The following SDK2 variants were observed in gnomAD, a reference collection of about 807,000 sequenced individuals.
SDK2 encodes sidekick cell adhesion molecule 2, also known as protein sidekick-2.
SDK2 carries 105 observed loss-of-function variants against 253.9 expected under a neutral mutation model. The ratio of observed to expected loss-of-function variants is 0.41; its 90% CI spans 0.35 to 0.49. SDK2 has a LOEUF of 0.49. Among genes scored for constraint, SDK2 ranks in the 20% least tolerant of loss-of-function variants. SDK2 has a pLI of 0.06. For synonymous variants in SDK2, 1,249 were observed against 1,234.9 expected (o/e 1.01, Z -0.24); for missense variants, 2,608 against 3,003.0 (o/e 0.87, Z 3.07).
At chr17:73,382,114 G>A (rs925287183) in intron 33 of SDK2, among the ~76,000 whole-genome samples, 1 of 151,798 alleles carries the variant, frequency 6.6e-6, no homozygotes, top group Non-Finnish European at 1.5e-5. Context: ...TACTCAGGAG[G>A]CCTCAGGCAG....
intron 43 of SDK2, 25 bp downstream of exon 43, chr17:73,350,212 C>CA (rs750105039): frequency 6.5e-7 from 1 of 1,533,824 alleles, no homozygotes; most frequent in Admixed American, 2.1e-5. Context: ...GGCCTGGCCC[C>CA]CAACCCACGC....
chr17:73,393,961 G>C (rs537362456), intron 26 of SDK2, among the ~76,000 whole-genome samples: 1 of 152,328 alleles, frequency 6.6e-6, no homozygotes, highest in Admixed American at 6.5e-5. Context: ...AGTGAGGCTG[G>C]GGGCATCCAG....
intron 40 of SDK2, among the ~76,000 whole-genome samples, chr17:73,353,164 C>T (rs911336773): frequency 9.2e-5 from 14 of 151,982 alleles, no homozygotes; most frequent in Admixed American, 3.3e-4. Context: ...TTAAAAGATA[C>T]GTACTGTGCA....
chr17:73,448,861 A>G (rs759231184), intron 4 of SDK2, among the ~76,000 whole-genome samples: 3 of 150,626 alleles, frequency 2.0e-5, no homozygotes, highest in Non-Finnish European at 4.4e-5. Flanking sequence ...GGGTTTTGCT[A>G]TGTTGGCCAG....
chr17:73,413,923 G>A (rs906063062), intron 18 of SDK2, among the ~76,000 whole-genome samples: 2 of 152,178 alleles, frequency 1.3e-5, no homozygotes, highest in Non-Finnish European at 2.9e-5. Context: ...ACGTGGAGTC[G>A]AGTACAGCCT....
At chr17:73,524,030 C>T (rs2064105331) in intron 1 of SDK2, among the ~76,000 whole-genome samples, 2 of 152,152 alleles carry the variant, frequency 1.3e-5, no homozygotes, top group South Asian at 4.1e-4. Context: ...TTCTCATTTC[C>T]AGGCTCTGTG....
intron 38 of SDK2, among the ~76,000 whole-genome samples, chr17:73,363,990 C>T (rs1454125019): frequency 6.6e-6 from 1 of 152,026 alleles, no homozygotes; most frequent in Non-Finnish European, 1.5e-5. Flanking sequence ...TCCCTAGGCT[C>T]ACCGAGAACT....
intron 34 of SDK2, among the ~76,000 whole-genome samples, chr17:73,380,521 C>T (rs953613742): frequency 2.0e-5 from 3 of 152,138 alleles, no homozygotes; most frequent in Non-Finnish European, 2.9e-5. Context: ...CCAGCTGGGC[C>T]GAGAAGTGCC....
At chr17:73,391,139 T>C (rs559898649) in intron 28 of SDK2, among the ~76,000 whole-genome samples, 3 of 152,332 alleles carry the variant, frequency 2.0e-5, no homozygotes, top group South Asian at 2.1e-4. Context: ...CACTTGGCCA[T>C]GCTAAGGAAC....
intron 2 of SDK2, among the ~76,000 whole-genome samples, 159 bp from the exon 3 acceptor site, chr17:73,472,377 A>C (rs1192762718): frequency 6.6e-6 from 1 of 152,312 alleles, no homozygotes; most frequent in East Asian, 1.9e-4. Context: ...GATCACACAA[A>C]GGTCTTTATC....
intron 39 of SDK2, among the ~76,000 whole-genome samples, chr17:73,358,640 C>T (rs2062613664): frequency 6.6e-6 from 1 of 152,012 alleles, no homozygotes; most frequent in Non-Finnish European, 1.5e-5. Context: ...GCGATGATGG[C>T]AGAGTGGGCC....
Position 73,379,313 on chromosome 17 carries a change from G to A in SDK2, c.4865-21C>T. 1 of 1,531,606 alleles carries A rather than the reference G, an allele frequency of 6.5e-7. No homozygotes were observed. Among genetic ancestry groups the A allele is most frequent in the Non-Finnish European group, 8.9e-7 (1 of 1,128,402 alleles). The allele number at this position is 1,531,606 out of a possible 1,614,324, so 94.9% of individuals were successfully genotyped here. A position where few individuals can be genotyped will look rare whatever the true frequency, so the allele number is the denominator to read the frequency against. ...GGGCACTGGAGGGCGTGCAGGGTAG[G>A]CAGTGAGCATGCGAGTAAACCTGGG... On this transcript the variant is annotated intron_variant, in intron 35 of 44. Coordinates refer to ENST00000392650, the MANE Select transcript of SDK2 (RefSeq NM_001144952.2). This position sits in a 1 kb window ranked among gnomAD's most constrained non-coding sequence, Gnocchi z 4.5.
intron 36 of SDK2, among the ~76,000 whole-genome samples, chr17:73,377,012 T>A (rs1476941064): frequency 6.6e-6 from 1 of 151,974 alleles, no homozygotes; most frequent in African/African-American, 2.4e-5. Flanking sequence ...ATGAGGTGCC[T>A]TGTGTCTCTC....
rs1434534370 is a variant in SDK2 at position 73,639,357 on chromosome 17, G to T, written c.64+4668C>A. ...AGTCCCCTCTCTCCCTTCCCCCGGGGATGCTGAGCATCCCTGCTCAACGCT... is the reference window on the plus strand; with the variant it reads ...AGTCCCCTCTCTCCCTTCCCCCGGGTATGCTGAGCATCCCTGCTCAACGCT... On this transcript the variant is annotated intron_variant, in intron 1 of 44. Transcript: ENST00000392650. The surrounding 1 kb of genome is among the most constrained non-coding windows in gnomAD (Gnocchi z 4.3). Among the ~76,000 whole-genome samples the T allele has an allele frequency of 6.6e-6, 1 of 152,142 alleles. No homozygotes were observed. The highest frequency in any genetic ancestry group is 1.5e-5 in the Non-Finnish European group (1 of 68,020).
intron 18 of SDK2, among the ~76,000 whole-genome samples, chr17:73,409,412 C>A (rs9907066): frequency 6.6e-6 from 1 of 151,436 alleles, no homozygotes; most frequent in African/African-American, 2.4e-5. Flanking sequence ...GCCCAGGAGG[C>A]GGAGGTTGCA....
intron 1 of SDK2, among the ~76,000 whole-genome samples, chr17:73,572,461 C>T (rs1199071194): frequency 6.6e-6 from 1 of 152,060 alleles, no homozygotes; most frequent in Non-Finnish European, 1.5e-5. Context: ...GGCACCCTGT[C>T]CCCAGCCCTG....
rs543298058 is a variant in SDK2, at chr17:73,360,308, G to C, written c.5467+1376C>G. On this transcript the variant is annotated intron_variant, in intron 39 of 44. Coordinates refer to ENST00000392650, the MANE Select transcript of SDK2 (RefSeq NM_001144952.2). ...AGAACCAGACTGTGGGGAATAGAAA[G>C]TGACTGGCCAGAAAGAAAAAGTGAA... Among the ~76,000 whole-genome samples the C allele has an allele frequency of 2.0e-5, 3 of 152,350 alleles. No individual in the cohort carries two copies. The South Asian group carries it at 6.2e-4, about 32-fold the overall frequency.
In SDK2 at chr17:73,643,502, G is replaced by A. The variant is rs2046424294; in HGVS notation, c.64+523C>T. ...AGCAGCCAGGGGCGGGCTCCCGTAC[G>A]TGGCCAAGCCGGGCAATTGCTCTCC... On this transcript the variant is annotated intron_variant, in intron 1 of 44. Coordinates refer to ENST00000392650, the MANE Select transcript of SDK2 (RefSeq NM_001144952.2). This position sits in a 1 kb window ranked among gnomAD's most constrained non-coding sequence, Gnocchi z 6.9. 6.6e-6 allele frequency among the ~76,000 whole-genome samples: 1 copy of A among 152,228 alleles called. No individual in the cohort carries two copies.
intron 40 of SDK2, among the ~76,000 whole-genome samples, chr17:73,356,184 A>G (rs6501625): frequency 0.54 from 82,099 of 152,062 alleles, 22,350 homozygotes; most frequent in Non-Finnish European, 0.58. Context: ...TCCCTGCCCA[A>G]CGCAGTCAGG....
Sources: gnomAD v4.1 joint callset for allele counts (sites outside exome capture counted in the v4.1 genomes callset) on GRCh38, gnomAD v4.1.1 for gene constraint, Gnocchi (gnomAD v3.1) non-coding constraint, MANE v1.5 for transcripts, NCBI Gene and HGNC (gene_info 2026-07-23, HGNC 2026-07-21) for gene names.